The following PIGN variants were observed in gnomAD, a reference collection of about 807,000 sequenced individuals.
The protein encoded by PIGN is phosphatidylinositol glycan anchor biosynthesis class N, also known as GPI ethanolamine phosphate transferase 1.
In PIGN, 117 loss-of-function variants were observed where a neutral mutation model predicts 125.4. That is an observed-to-expected ratio of 0.93 (90% CI 0.80 to 1.09). The LOEUF is 1.09. Ranked by LOEUF, PIGN falls within the 50% of genes least tolerant of loss-of-function variation. PIGN has a pLI of 0.00. For synonymous variants in PIGN, 392 were observed against 377.8 expected, an observed-to-expected ratio of 1.04 and a Z score of -0.44; for missense variants, 1,075 against 1,094.9, an observed-to-expected ratio of 0.98 and a Z score of 0.26.
Position 62,100,777 on chromosome 18 carries a change from A to T in PIGN, c.2077+298T>A, listed in dbSNP as rs1441945261. Among the ~76,000 whole-genome samples, 7 of 152,180 alleles carry T rather than the reference A, an allele frequency of 4.6e-5. No homozygotes were observed. In the East Asian group the frequency reaches 1.3e-3, roughly 29 times the overall value. On this transcript the variant is annotated intron_variant, in intron 22 of 30. Coordinates refer to ENST00000640252, the MANE Select transcript of PIGN (RefSeq NM_176787.5). ...AATTGGCATGAAAATGAGGCATAAGATCCTCTTCACCCTTATCTCTTTTGG... is the reference window on the plus strand; with the variant it reads ...AATTGGCATGAAAATGAGGCATAAGTTCCTCTTCACCCTTATCTCTTTTGG...
chr18:62,161,432 A>G (rs1057021142), intron 3 of PIGN, 47 bp from the exon 4 acceptor site: 5 of 798,610 alleles, frequency 6.3e-6, no homozygotes, highest in Non-Finnish European at 1.0e-5. Flanking sequence ...TAATGCATTC[A>G]TATGTATTTT....
At chr18:62,149,627 G>A (rs1409192559) in intron 7 of PIGN, among the ~76,000 whole-genome samples, 2 of 152,098 alleles carry the variant, frequency 1.3e-5, no homozygotes, top group Admixed American at 6.6e-5. Flanking sequence ...GTGGATCTAA[G>A]GCTTTTTGAA....
chr18:62,105,597 A>G lies in PIGN; in HGVS notation c.1805T>C (p.Leu602Pro). 3 of 1,555,496 alleles carry G rather than the reference A, an allele frequency of 1.9e-6. No homozygotes were observed. The highest frequency in any genetic ancestry group is 1.7e-6 in the Non-Finnish European group (2 of 1,148,922). Residue 602 changes from leucine (L) to proline (P), a missense_variant, in exon 20 of 31, where the codon CTG (leucine) becomes CCG (proline). Physicochemically the swap from Leu to Pro is moderately conservative, Grantham distance 98. Coordinates refer to ENST00000640252, the MANE Select transcript of PIGN (RefSeq NM_176787.5). ...SLSWTFFSLL[L>P]AVFPLMPVVG... ...AACCGGCATCAGTGGGAACACTGCC[A>G]GGAGCAAAGAGAAGAAAGTCCAACT...
intron 23 of PIGN, among the ~76,000 whole-genome samples, chr18:62,031,925 G>C (rs982502463): frequency 7.2e-5 from 11 of 152,230 alleles, no homozygotes; most frequent in Non-Finnish European, 1.6e-4. Flanking sequence ...GGTACCAGTA[G>C]AGTGCTGCTC....
At chr18:62,169,209 A>G (rs1050978131) in intron 1 of PIGN, among the ~76,000 whole-genome samples, 1 of 152,156 alleles carries the variant, frequency 6.6e-6, no homozygotes, top group Non-Finnish European at 1.5e-5. Flanking sequence ...ATAAAAATCT[A>G]TTTCTGCATC....
intron 23 of PIGN, among the ~76,000 whole-genome samples, chr18:62,029,036 A>T (rs2030160779): frequency 6.6e-6 from 1 of 152,212 alleles, no homozygotes; most frequent in Admixed American, 6.5e-5. Context: ...AAGCCACTGG[A>T]CTGCGGACAT....
At chr18:62,093,451 T>C (rs1339954675) in intron 23 of PIGN, among the ~76,000 whole-genome samples, 6 of 152,018 alleles carry the variant, frequency 3.9e-5, no homozygotes, top group Admixed American at 3.9e-4. Flanking sequence ...CTTACTAAAT[T>C]AGGATCTGCT....
chr18:62,139,202 TGAAAA>T (rs113679518), intron 12 of PIGN, 127 bp from the exon 13 acceptor site: 6 of 552,134 alleles, frequency 1.1e-5, no homozygotes, highest in African/African-American at 9.5e-5. Flanking sequence ...AATAGTTAAA[TGAAAA>T]ATCTTTTTAA....
At chr18:62,021,249 C>T (rs992595325) in intron 23 of PIGN, among the ~76,000 whole-genome samples, 1 of 152,100 alleles carries the variant, frequency 6.6e-6, no homozygotes, top group African/African-American at 2.4e-5. Context: ...GAGAACAAAC[C>T]AAATGCCCAT....
At chr18:62,083,873 T>A (rs1428983107) in intron 27 of PIGN, among the ~76,000 whole-genome samples, 2 of 152,300 alleles carry the variant, frequency 1.3e-5, no homozygotes, top group African/African-American at 4.8e-5. Flanking sequence ...TTAACCATTT[T>A]TATTCATAAA....
chr18:62,172,187 T>C (rs554776603), intron 1 of PIGN, among the ~76,000 whole-genome samples: 1 of 152,268 alleles, frequency 6.6e-6, no homozygotes, highest in African/African-American at 2.4e-5. Flanking sequence ...AAGTAAGCTT[T>C]CGTAGTTTTT....
chr18:62,119,304 G>A (rs922144707), intron 14 of PIGN, among the ~76,000 whole-genome samples: 2 of 151,744 alleles, frequency 1.3e-5, no homozygotes, highest in Non-Finnish European at 1.5e-5. Context: ...AAAAAGAATC[G>A]AAACAAACTC....
At chr18:62,049,629 T>C (rs2031082228) in intron 30 of PIGN, among the ~76,000 whole-genome samples, 1 of 146,854 alleles carries the variant, frequency 6.8e-6, no homozygotes, top group Non-Finnish European at 1.5e-5. Context: ...GTTGCGAAAA[T>C]TTTCTCCCAT....
rs1473185455 is a variant in PIGN at position 62,041,700 on chromosome 18, TGTGTG to T, written c.*4151_*4155del. ...GTGTGTGTGTGTGTGTGTGTGTGTG[TGTGTG>T]TTTAGTAGAGATGGGGTTTTGCCAT... is the stretch of plus-strand genomic sequence containing the variant. On this transcript the variant is annotated 3_prime_UTR_variant, in exon 31 of 31. Transcript: ENST00000640252. 2.0e-5 allele frequency: 3 copies of T among 149,070 alleles called. No homozygotes were observed. The highest frequency in any genetic ancestry group is 2.0e-4 in the East Asian group (1 of 5,050). The allele number at this position is 149,070 out of a possible 1,614,324, so 9.2% of individuals were successfully genotyped here.
At chr18:62,148,431 A>C in intron 7 of PIGN, 93 bp from the exon 8 acceptor site, 1 of 865,290 alleles carries the variant, frequency 1.2e-6, no homozygotes, top group Non-Finnish European at 1.7e-6. Context: ...GCATAAGTAC[A>C]AAATTAAATT....
intron 30 of PIGN, 56 bp from the exon 31 acceptor site, chr18:62,046,035 T>C (rs563799398): frequency 7.0e-6 from 11 of 1,567,962 alleles, no homozygotes; most frequent in South Asian, 3.5e-5. Context: ...AGGAAAATCA[T>C]GAGATTCCTC....
At chr18:62,078,342 T>C (rs192488553) in intron 28 of PIGN, among the ~76,000 whole-genome samples, 1 of 152,362 alleles carries the variant, frequency 6.6e-6, no homozygotes, top group Non-Finnish European at 1.5e-5. Flanking sequence ...AATCTTCATA[T>C]TCTTGAACCA....
Position 62,084,518 on chromosome 18 carries a change from TA to T in PIGN, c.2502+12del. The T allele has an allele frequency of 1.3e-6, 2 of 1,485,746 alleles. No homozygotes were observed. The highest frequency in any genetic ancestry group is 1.8e-6 in the Non-Finnish European group (2 of 1,095,010). The allele number at this position is 1,485,746 out of a possible 1,614,324, so 92.0% of individuals were successfully genotyped here. ...CAATAGCTTAAGACAAATAACAAAA[TA>T]AGAAAACTAACCTTCCACATCATCA... On this transcript the variant is annotated intron_variant, in intron 27 of 30. Coordinates refer to ENST00000640252, the MANE Select transcript of PIGN (RefSeq NM_176787.5).
chr18:62,179,761 C>G (rs947776400), intron 1 of PIGN, among the ~76,000 whole-genome samples: 1 of 151,902 alleles, frequency 6.6e-6, no homozygotes, highest in Non-Finnish European at 1.5e-5. Context: ...TAAATAAATA[C>G]ATACATAAAT....
Sources: allele counts gnomAD v4.1 joint callset (sites outside exome capture counted in the v4.1 genomes callset), GRCh38; gene constraint gnomAD v4.1.1; transcripts MANE v1.5; gene names NCBI Gene and HGNC (gene_info 2026-07-23, HGNC 2026-07-21).